RGPD2: variants seen among roughly 807,000 people sequenced by gnomAD.
RGPD2 encodes RANBP2-like and GRIP domain-containing protein 2.
Under a neutral mutation model 36.0 loss-of-function variants are expected in RGPD2, and 2 were observed. That is an observed-to-expected ratio of 0.06 (90% CI 0.02 to 0.17). The LOEUF (loss-of-function observed/expected upper bound fraction) is 0.17, where lower values mean the gene tolerates loss of function less well. Among genes scored for constraint, RGPD2 ranks in the 10% least tolerant of loss-of-function variants. The pLI is 1.00. For missense variants in RGPD2, 40 were observed against 464.3 expected (o/e 0.09, Z 8.40); for synonymous variants, 19 against 163.8 (o/e 0.12, Z 6.75).
the RGPD2 span, among the ~76,000 whole-genome samples, chr2:87,877,804 C>CAAAAAAAAAAAAAAAAAAAAAAAAA: frequency 4.7e-5 from 4 of 84,380 alleles, no homozygotes; most frequent in Non-Finnish European, 8.5e-5. Context: ...GACTCCGTCT[C>CAAAAAAAAAAAAAAAAAAAAAAAAA]AAAAAAAAAA....
chr2:87,984,843 T>C, the RGPD2 span, among the ~76,000 whole-genome samples: 2 of 148,028 alleles, frequency 1.4e-5, no homozygotes, highest in African/African-American at 2.5e-5. Context: ...GGCAGGAAAA[T>C]GGCATGAACC....
At chr2:87,848,851 G>A in the RGPD2 span, among the ~76,000 whole-genome samples, 79 of 124,026 alleles carry the variant, frequency 6.4e-4, no homozygotes, top group Non-Finnish European at 1.0e-3. Flanking sequence ...GAAAATAATT[G>A]AGGGTGTGGT....
At chr2:87,913,608 A>G in the RGPD2 span, among the ~76,000 whole-genome samples, 73 of 151,416 alleles carry the variant, frequency 4.8e-4, no homozygotes, top group African/African-American at 1.8e-3. Flanking sequence ...TTACAAATGT[A>G]TGCATATTTT....
the RGPD2 span, among the ~76,000 whole-genome samples, chr2:87,929,025 C>T: frequency 6.6e-6 from 1 of 151,744 alleles, no homozygotes; most frequent in African/African-American, 2.4e-5. Context: ...TGACAGTATC[C>T]TTGGCTGTGG....
At chr2:87,836,012 T>C in the RGPD2 span, among the ~76,000 whole-genome samples, 1 of 149,046 alleles carries the variant, frequency 6.7e-6, no homozygotes, top group Non-Finnish European at 1.5e-5. Context: ...TTGGTGTCCT[T>C]GAAAGAAAGT....
the RGPD2 span, among the ~76,000 whole-genome samples, chr2:87,865,262 T>C: frequency 1.3e-4 from 20 of 152,160 alleles, no homozygotes; most frequent in Admixed American, 3.3e-4. Context: ...GTATTAGTTA[T>C]AAACGAAGTT....
the RGPD2 span, among the ~76,000 whole-genome samples, chr2:87,923,446 T>C: frequency 6.6e-6 from 1 of 152,262 alleles, no homozygotes; most frequent in East Asian, 1.9e-4. Context: ...ATCATATTTT[T>C]ATACTGTGAT....
the RGPD2 span, among the ~76,000 whole-genome samples, chr2:87,951,688 G>A: frequency 5.3e-5 from 8 of 150,146 alleles, no homozygotes; most frequent in South Asian, 2.2e-4. Context: ...GCCTCCAAGC[G>A]AGTCTCCTGC....
At chr2:87,847,491 G>C in the RGPD2 span, among the ~76,000 whole-genome samples, 1 of 143,336 alleles carries the variant, frequency 7.0e-6, no homozygotes, top group Non-Finnish European at 1.5e-5. Flanking sequence ...TGACATAATT[G>C]TTTTTTAATT....
chr2:87,879,229 T>C, the RGPD2 span, among the ~76,000 whole-genome samples: 1 of 151,688 alleles, frequency 6.6e-6, no homozygotes, highest in African/African-American at 2.4e-5. Flanking sequence ...AGGCATGCAA[T>C]GTGTAACAAT....
chr2:87,973,541 T>C, the RGPD2 span, among the ~76,000 whole-genome samples: 23 of 139,996 alleles, frequency 1.6e-4, no homozygotes, highest in African/African-American at 2.3e-4. Flanking sequence ...CCCAACTCCT[T>C]GCGTTCCTTT....
At chr2:87,937,489 T>TA in the RGPD2 span, among the ~76,000 whole-genome samples, 1 of 151,776 alleles carries the variant, frequency 6.6e-6, no homozygotes, top group African/African-American at 2.4e-5. Context: ...TCAGGAAACT[T>TA]ATAACCGTGA....
chr2:87,920,978 A>G, the RGPD2 span, among the ~76,000 whole-genome samples: 1 of 148,242 alleles, frequency 6.7e-6, no homozygotes, highest in Non-Finnish European at 1.5e-5. Context: ...TCTTGTGTGT[A>G]TCTATCTCCT....
At chr2:87,825,554 CCAGGT>C (rs1234387572) in intron 1 of RGPD2, 99 bp downstream of exon 1, 65 of 881,630 alleles carry the variant, frequency 7.4e-5, no homozygotes, top group African/African-American at 3.5e-4. Context: ...CGCCGCCCGG[CCAGGT>C]CGAGGCCGCC....
At chr2:87,912,238 A>G in the RGPD2 span, among the ~76,000 whole-genome samples, 2 of 150,746 alleles carry the variant, frequency 1.3e-5, no homozygotes, top group South Asian at 2.1e-4. Context: ...TCACATATGT[A>G]CCTATGTGCC....
the RGPD2 span, among the ~76,000 whole-genome samples, chr2:87,980,178 CT>C: frequency 6.6e-6 from 1 of 151,520 alleles, no homozygotes; most frequent in Admixed American, 6.6e-5. Flanking sequence ...TGGTGAAACC[CT>C]GTCTCTACCA....
At chr2:87,824,699 TGAGGCCGAGGCC>T (rs1164556606) in intron 1 of RGPD2, among the ~76,000 whole-genome samples, 2 of 114,746 alleles carry the variant, frequency 1.7e-5, no homozygotes, top group African/African-American at 3.4e-5. Flanking sequence ...GTAAGAGAGG[TGAGGCCGAGGCC>T]GAGGCCGCCG....
chr2:87,915,356 AT>A, the RGPD2 span, among the ~76,000 whole-genome samples: 4 of 133,922 alleles, frequency 3.0e-5, no homozygotes, highest in African/African-American at 1.1e-4. Flanking sequence ...TATTATATAT[AT>A]TATATATATA....
At chr2:87,963,630 T>C in the RGPD2 span, among the ~76,000 whole-genome samples, 1 of 67,820 alleles carries the variant, frequency 1.5e-5, no homozygotes, top group Admixed American at 1.7e-4. Flanking sequence ...CAGTGAGCTA[T>C]GTTCACTCCA....
Sources: gnomAD v4.1 joint callset for allele counts (sites outside exome capture counted in the v4.1 genomes callset) on GRCh38, gnomAD v4.1.1 for gene constraint, MANE v1.5 for transcripts, NCBI Gene and HGNC (gene_info 2026-07-23, HGNC 2026-07-21) for gene names.